Variants in PKD1 observed in about 807,000 individuals in gnomAD.
PKD1 encodes polycystin-1.
PKD1 carries 81 observed loss-of-function variants against 361.7 expected under a neutral mutation model. That is an observed-to-expected ratio of 0.22 (90% CI 0.19 to 0.27). The LOEUF is 0.27. Among genes scored for constraint, PKD1 ranks in the 10% least tolerant of loss-of-function variants. The probability of loss-of-function intolerance (pLI) is 1.00; values close to 1 mark genes in which losing one functional copy is unlikely to be tolerated. For synonymous variants in PKD1, 3,615 were observed against 2,818.3 expected, an observed-to-expected ratio of 1.28 and a Z score of -8.95; for missense variants, 6,399 against 6,118.3, an observed-to-expected ratio of 1.05 and a Z score of -1.53.
rs1555443688 is a variant in PKD1 at position 2,089,780 on chromosome 16, G to A, written c.12859C>T (p.Pro4287Ser). The change falls in exon 46 of 46, where the codon CCC (proline) becomes TCC (serine). Residue 4287 changes from proline (P) to serine (S), a missense_variant. Transcript: ENST00000262304. The stretch of plus-strand genomic sequence containing the variant: ...TTGGCCCGAAGGGGTGTCCTGCTGG[G>A]GCCAGTGGCCAGGTCCACACCCCGA... ...ASRGVDLATG[P>S]SRTPLRAKNK... 4.4e-6 allele frequency: 7 copies of A among 1,597,312 alleles called. No individual in the cohort carries two copies. Among genetic ancestry groups the A allele is most frequent in the Non-Finnish European group, 5.1e-6 (6 of 1,173,224 alleles).
Position 2,113,372 on chromosome 16 carries a change from C to T in PKD1, c.2854-80G>A, listed in dbSNP as rs1456330159. The T allele has an allele frequency of 2.6e-5, 35 of 1,371,738 alleles. 1 individual carries two copies. The highest frequency in any genetic ancestry group is 2.3e-4 in the South Asian group (18 of 79,328). 85.0% of individuals were successfully genotyped at this position (1,371,738 alleles called of 1,614,324 possible). On this transcript the variant is annotated intron_variant, in intron 11 of 45. Transcript: ENST00000262304. ...GTCGCCTCCTGGACACACCTCCCGT[C>T]GGGCTGGAGAGTCCCACGCGGGGCA...
chr16:2,093,134 C>G, intron 37 of PKD1, 41 bp from the exon 38 acceptor site: 2 of 1,610,054 alleles, frequency 1.2e-6, no homozygotes, highest in Non-Finnish European at 1.7e-6. Flanking sequence ...TGGCCCCAGC[C>G]CACAGTGACA....
chr16:2,101,735 C>T (rs529755820), intron 26 of PKD1, among the ~76,000 whole-genome samples: 28 of 152,380 alleles, frequency 1.8e-4, no homozygotes, highest in Non-Finnish European at 2.9e-4. Flanking sequence ...GTCTGAGAGA[C>T]GAGCTATGCA....
rs748939732 is a variant in PKD1, at chr16:2,102,433, G to C, written c.9149C>G (p.Ala3050Gly). 1.9e-6 allele frequency: 3 copies of C among 1,551,780 alleles called. No individual in the cohort carries two copies. Among genetic ancestry groups the C allele is most frequent in the Non-Finnish European group, 2.6e-6 (3 of 1,149,306 alleles). The change falls in exon 25 of 46, where the codon GCC (alanine) becomes GGC (glycine). Residue 3050 changes from alanine to glycine, a missense_variant. Transcript: ENST00000262304. ...QAVCLTRHLT[A>G]FGASLFVPPS... Reference sequence around the variant, plus strand: ...GGGCACGAAGAGGCTGGCGCCGAAGGCGGTGAGGTGGCGGGTGAGGCAGAC... The same window carrying C: ...GGGCACGAAGAGGCTGGCGCCGAAGCCGGTGAGGTGGCGGGTGAGGCAGAC...
rs755048734 is a variant in PKD1, at chr16:2,089,925, C to G, written c.12714G>C (p.Gln4238His). 3.1e-6 allele frequency: 5 copies of G among 1,612,178 alleles called. No homozygotes were observed. Among genetic ancestry groups the G allele is most frequent in the Non-Finnish European group, 4.2e-6 (5 of 1,179,762 alleles). The part of the protein sequence containing the change: ...RLNQATEDVY[Q>H]LEQQLHSLQG... ...GCAGGCTGTGCAGCTGCTGCTCCAG[C>G]TGGTAGACGTCCTCTGTGGCCTGGT... Residue 4238 changes from glutamine to histidine, a missense_variant, in exon 46 of 46, where the codon CAG becomes CAC. Physicochemically the swap from Gln to His is conservative, Grantham distance 24. Transcript: ENST00000262304.
chr16:2,097,422 C>T lies in PKD1; in HGVS notation c.10302G>A (p.Leu3434=). The T allele has an allele frequency of 6.2e-7, 1 of 1,608,734 alleles. No individual in the cohort carries two copies. Among genetic ancestry groups the T allele is most frequent in the Non-Finnish European group, 8.5e-7 (1 of 1,179,906 alleles). Residue 3434 remains leucine, a synonymous_variant, in exon 33 of 46, where the codon CTG becomes CTA. Transcript: ENST00000262304. ...CCGCCTGGCCCCGTGCCAGCTGCCGCAGATTGCTACCCACAATGGACGGGT... is the reference window on the plus strand; with the variant it reads ...CCGCCTGGCCCCGTGCCAGCTGCCGTAGATTGCTACCCACAATGGACGGGT... ...LSDPSIVGSN[L]RQLARGQAGH... is the part of the protein sequence containing the mutation.
intron 30 of PKD1, chr16:2,099,174 A>T (rs531196185): frequency 8.9e-6 from 3 of 338,466 alleles, no homozygotes; most frequent in Non-Finnish European, 1.7e-5. Flanking sequence ...TATGTTGCCC[A>T]GGCTGGTCTC....
Position 2,088,881 on chromosome 16 carries a change from G to GCGCGCGCACACACACA in PKD1, c.*845_*846insTGTGTGTGTGCGCGCG, listed in dbSNP as rs142285430. On this transcript the variant is annotated 3_prime_UTR_variant, in exon 46 of 46. Transcript: ENST00000262304. The stretch of plus-strand genomic sequence containing the variant: ...ACAGCACACTCGCGCGTGCGCGCGC[G>GCGCGCGCACACACACA]CACACACACACACACACAGTCACCT... 3 of 410,742 alleles carry GCGCGCGCACACACACA rather than the reference G, an allele frequency of 7.3e-6. No homozygotes were observed. Among genetic ancestry groups the GCGCGCGCACACACACA allele is most frequent in the African/African-American group, 6.8e-5 (3 of 44,060 alleles). 25.4% of individuals were successfully genotyped at this position (410,742 alleles called of 1,614,324 possible).
At position 2,092,568 on chromosome 16, in the gene PKD1, C is replaced by A; in HGVS notation, c.11181G>T (p.Met3727Ile). 1.9e-6 allele frequency: 3 copies of A among 1,611,892 alleles called. No homozygotes were observed. The South Asian group carries it at 3.3e-5, about 18-fold the overall frequency. The change falls in exon 39 of 46, where the codon ATG (methionine) becomes ATT (isoleucine). Residue 3727 changes from methionine (M) to isoleucine (I), a missense_variant. Transcript: ENST00000262304. ...ITRSEELWPW[M>I]AHVLLPYVHG... ...GGACGTAGGGCAGCAGCACGTGGGC[C>A]ATCCATGGCCAGAGCTCCTCAGACC...
chr16:2,109,852 G>A lies in PKD1; in HGVS notation c.5315C>T (p.Pro1772Leu), dbSNP rs1241627819. The A allele has an allele frequency of 2.5e-6, 4 of 1,610,568 alleles. No individual in the cohort carries two copies. The highest frequency in any genetic ancestry group is 1.3e-5 in the African/African-American group (1 of 74,856). ...GGTGACCAAGTGCAGGCCGGGTGTG[G>A]GGAAGCTATGGGTGGTAAATGGCTC... Reference protein sequence around the residue: ...TSEPFTTHSFPTPGLHLVTMT... With the variant: ...TSEPFTTHSFLTPGLHLVTMT... Residue 1772 changes from proline to leucine, a missense_variant, in exon 15 of 46, where the codon CCC (proline) becomes CTC (leucine). Coordinates refer to ENST00000262304, the MANE Select transcript of PKD1 (RefSeq NM_001009944.3).
Position 2,109,968 on chromosome 16 carries a change from G to A in PKD1, c.5199C>T (p.Asn1733=), listed in dbSNP as rs752667929. 41 of 1,609,956 alleles carry A rather than the reference G, an allele frequency of 2.5e-5. 1 individual carries two copies. The South Asian group carries it at 4.1e-4, about 16-fold the overall frequency. Residue 1733 remains asparagine (N), a synonymous_variant, in exon 15 of 46, where the codon AAC becomes AAT. Transcript: ENST00000262304. ...VAASPNPAAV[N]TSVTLSAELA... is the part of the protein sequence containing the mutation. ...GCTCGGCACTGAGGGTGACGCTTGT[G>A]TTGACGGCAGCTGGGTTCGGGGAGG... is the stretch of plus-strand genomic sequence containing the variant.
rs1388209542 is a variant in PKD1 at position 2,111,492 on chromosome 16, C to G, written c.3675G>C (p.Gln1225His). 4 of 1,611,098 alleles carry G rather than the reference C, an allele frequency of 2.5e-6. No homozygotes were observed. Among genetic ancestry groups the G allele is most frequent in the Admixed American group, 1.7e-5 (1 of 59,874 alleles). Residue 1225 changes from glutamine (Q) to histidine (H), a missense_variant, in exon 15 of 46, where the codon CAG (glutamine) becomes CAC (histidine). Transcript: ENST00000262304. Reference sequence around the variant, plus strand: ...CGGCGCTGACCACCACGGGGGCGCCCTGCTCCACGGCCAGGCTCATGTCCA... The same window carrying G: ...CGGCGCTGACCACCACGGGGGCGCCGTGCTCCACGGCCAGGCTCATGTCCA... Reference protein sequence around the residue: ...LSVDMSLAVEQGAPVVVSAAV... With the variant: ...LSVDMSLAVEHGAPVVVSAAV...
At position 2,091,614 on chromosome 16, in the gene PKD1, G is replaced by A. The variant is rs766303348; in HGVS notation, c.11538-17C>T. On this transcript the variant is annotated splice_polypyrimidine_tract_variant and intron_variant, in intron 41 of 45. Coordinates refer to ENST00000262304, the MANE Select transcript of PKD1 (RefSeq NM_001009944.3). Reference sequence around the variant, plus strand: ...GCGCGGCTCCTGCGCAGAGGGTGCGGGTCAGTAGGAGCGGGTGGCAGGGCG... The same window carrying A: ...GCGCGGCTCCTGCGCAGAGGGTGCGAGTCAGTAGGAGCGGGTGGCAGGGCG... The A allele has an allele frequency of 2.6e-6, 4 of 1,562,612 alleles. No individual in the cohort carries two copies. The highest frequency in any genetic ancestry group is 3.4e-6 in the Non-Finnish European group (4 of 1,162,308).
rs922028205 is a variant in PKD1 at position 2,105,654 on chromosome 16, G to A, written c.7864-180C>T. ...ACAGGGTAAGCACATGGGCCCTCCTGGGCGGGGGCTGCATTGTGGAAAGCA... is the reference window on the plus strand; with the variant it reads ...ACAGGGTAAGCACATGGGCCCTCCTAGGCGGGGGCTGCATTGTGGAAAGCA... On this transcript the variant is annotated intron_variant, in intron 20 of 45. Transcript: ENST00000262304. The A allele has an allele frequency of 1.8e-5, 26 of 1,458,124 alleles. No individual in the cohort carries two copies. In the Admixed American group the frequency reaches 3.8e-4, roughly 21 times the overall value. 90.3% of individuals were successfully genotyped at this position (1,458,124 alleles called of 1,614,324 possible). A position where few individuals can be genotyped will look rare whatever the true frequency, so the allele number is the denominator to read the frequency against.
In PKD1 at chr16:2,110,685, G is replaced by C; in HGVS notation, c.4482C>G (p.Arg1494=). 6.2e-7 allele frequency: 1 copy of C among 1,610,346 alleles called. No individual in the cohort carries two copies. Among genetic ancestry groups the C allele is most frequent in the East Asian group, 2.2e-5 (1 of 44,882 alleles). The part of the protein sequence containing the change: ...PYLFSAVGRG[R]PASYLWDLGD... ...CCAGATCCCACAGGTAGCTGGCGGG[G>C]CGCCCACGGCCCACAGCAGAGAACA... Residue 1494 remains arginine, a synonymous_variant, in exon 15 of 46, where the codon CGC becomes CGG. Transcript: ENST00000262304.
In PKD1 at chr16:2,089,428, GC is replaced by G. The variant is rs2091344510; in HGVS notation, c.*298del. On this transcript the variant is annotated 3_prime_UTR_variant, in exon 46 of 46. Transcript: ENST00000262304. Reference sequence around the variant, plus strand: ...GGGGGACATCTGCCCAGGGGGTGGGGCCGGGCACAGCCCGCTGTACCTGAGG... The same window carrying G: ...GGGGGACATCTGCCCAGGGGGTGGGGCGGGCACAGCCCGCTGTACCTGAGG... 2.5e-5 allele frequency: 12 copies of G among 478,066 alleles called. No individual in the cohort carries two copies. The highest frequency in any genetic ancestry group is 4.6e-5 in the Non-Finnish European group (12 of 263,498). The allele number at this position is 478,066 out of a possible 1,614,324, so 29.6% of individuals were successfully genotyped here.
At chr16:2,101,387 C>T (rs2092090320) in intron 26 of PKD1, among the ~76,000 whole-genome samples, 1 of 152,168 alleles carries the variant, frequency 6.6e-6, no homozygotes, top group Non-Finnish European at 1.5e-5. Flanking sequence ...GTGGCTCACA[C>T]CTGTCATCCC....
rs2855367 is a variant in PKD1, at chr16:2,090,796, G to C, written c.12016C>G (p.Leu4006Val). The C allele has an allele frequency of 4.3e-6, 7 of 1,612,418 alleles. No individual in the cohort carries two copies. Among genetic ancestry groups the C allele is most frequent in the African/African-American group, 1.3e-5 (1 of 74,938 alleles). ...ACGGACCACTGGCGCACGAAGCGTA[G>C]CTGCTGGGCAGCCTGCGGACGAGAA... Reference protein sequence around the residue: ...FLLLVKAAQQLRFVRQWSVFG... With the variant: ...FLLLVKAAQQVRFVRQWSVFG... Residue 4006 changes from leucine to valine, a missense_variant, in exon 44 of 46, where the codon CTA becomes GTA. Coordinates refer to ENST00000262304, the MANE Select transcript of PKD1 (RefSeq NM_001009944.3).
chr16:2,091,230 G>C, intron 42 of PKD1, 56 bp from the exon 43 acceptor site: 1 of 835,710 alleles, frequency 1.2e-6, no homozygotes, highest in Non-Finnish European at 1.6e-6. Context: ...GGGGCCCTGC[G>C]AGGGGGCGGG....
Sources: allele counts gnomAD v4.1 joint callset (sites outside exome capture counted in the v4.1 genomes callset), GRCh38; gene constraint gnomAD v4.1.1; transcripts MANE v1.5; gene names NCBI Gene and HGNC (gene_info 2026-07-23, HGNC 2026-07-21).